CTNND2: variants seen among roughly 807,000 people sequenced by gnomAD.
The protein encoded by CTNND2 is catenin delta-2.
CTNND2 carries 22 observed loss-of-function variants against 144.4 expected under a neutral mutation model. The ratio of observed to expected loss-of-function variants is 0.15; its 90% CI spans 0.11 to 0.22. CTNND2 has a LOEUF of 0.22. Among genes scored for constraint, CTNND2 ranks in the 10% least tolerant of loss-of-function variants. The probability of loss-of-function intolerance (pLI) is 1.00; values close to 1 mark genes in which losing one functional copy is unlikely to be tolerated. For synonymous variants in CTNND2, 751 were observed against 695.6 expected (o/e 1.08, Z -1.25); for missense variants, 1,353 against 1,618.8 (o/e 0.84, Z 2.82).
At chr5:11,519,641 C>CTTAT (rs779480919) in intron 3 of CTNND2, among the ~76,000 whole-genome samples, 37 of 151,770 alleles carry the variant, frequency 2.4e-4, no homozygotes, top group Non-Finnish European at 4.6e-4. Context: ...ATTTTATTTC[C>CTTAT]TTATTTATTG....
chr5:11,582,635 C>A (rs561285081), intron 2 of CTNND2, among the ~76,000 whole-genome samples: 1 of 152,132 alleles, frequency 6.6e-6, no homozygotes, highest in Admixed American at 6.6e-5. Context: ...TCTAAAATAA[C>A]ACCAACACAT....
In CTNND2 at chr5:11,669,904, G is replaced by A. The variant is rs182543098; in HGVS notation, c.174+62232C>T. Among the ~76,000 whole-genome samples, 20 of 152,026 alleles carry A rather than the reference G, an allele frequency of 1.3e-4. 1 individual carries two copies. The South Asian group carries it at 1.9e-3, about 14-fold the overall frequency. ...GGGCATTTAGTGCTTTAAGTTTTCC[G>A]CTACAAACTGCTTTAAATGTGTCCC... On this transcript the variant is annotated intron_variant, in intron 2 of 21. Coordinates refer to ENST00000304623, the MANE Select transcript of CTNND2 (RefSeq NM_001332.4).
intron 3 of CTNND2, among the ~76,000 whole-genome samples, chr5:11,461,227 G>A (rs768752115): frequency 5.9e-5 from 9 of 151,730 alleles, no homozygotes; most frequent in Admixed American, 2.6e-4. Context: ...CTGAATAAAC[G>A]TGCGCTGAAG....
intron 1 of CTNND2, among the ~76,000 whole-genome samples, chr5:11,739,987 G>A (rs1787905167): frequency 6.6e-6 from 1 of 152,200 alleles, no homozygotes; most frequent in Non-Finnish European, 1.5e-5. Flanking sequence ...TACAAGGGAT[G>A]TGAAGGACCT....
rs531552721 is a variant in CTNND2, at chr5:11,560,076, G to A, written c.287+4868C>T. Among the ~76,000 whole-genome samples the A allele has an allele frequency of 5.9e-5, 9 of 152,258 alleles. No individual in the cohort carries two copies. In the South Asian group the frequency reaches 1.2e-3, roughly 21 times the overall value. On this transcript the variant is annotated intron_variant, in intron 3 of 21. Coordinates refer to ENST00000304623, the MANE Select transcript of CTNND2 (RefSeq NM_001332.4). ...GCTCTGCTGTGGCTTCCTAATTGAC[G>A]AAGTGGAGACAATGATGACACTTAA...
At chr5:11,117,662 C>T (rs1181583195) in intron 12 of CTNND2, 95 bp from the exon 13 acceptor site, 2 of 925,680 alleles carry the variant, frequency 2.2e-6, no homozygotes, top group Admixed American at 4.0e-5. Flanking sequence ...AAAGTAAATG[C>T]ATTTTTCCCC....
At chr5:11,304,066 G>T (rs1302864678) in intron 9 of CTNND2, among the ~76,000 whole-genome samples, 1 of 152,066 alleles carries the variant, frequency 6.6e-6, no homozygotes, top group African/African-American at 2.4e-5. Flanking sequence ...GGCCTCCCCA[G>T]CCACGTGGAA....
At chr5:11,454,591 T>G (rs1027197471) in intron 3 of CTNND2, among the ~76,000 whole-genome samples, 1 of 141,646 alleles carries the variant, frequency 7.1e-6, no homozygotes, top group East Asian at 1.9e-4. Flanking sequence ...TAACAGAAAG[T>G]TTTTTTTCCT....
chr5:11,706,480 A>G (rs1321339767), intron 2 of CTNND2, among the ~76,000 whole-genome samples: 2 of 152,208 alleles, frequency 1.3e-5, no homozygotes, highest in Non-Finnish European at 1.5e-5. Flanking sequence ...TTAGGTATAA[A>G]GTTTAACATG....
intron 6 of CTNND2, among the ~76,000 whole-genome samples, chr5:11,394,556 G>A (rs1180975957): frequency 3.3e-5 from 5 of 152,134 alleles, no homozygotes; most frequent in Admixed American, 1.3e-4. Context: ...TGATGGGAAG[G>A]GTAGTCTACT....
At chr5:11,479,320 G>A (rs142283656) in intron 3 of CTNND2, among the ~76,000 whole-genome samples, 1,848 of 152,252 alleles carry the variant, frequency 0.012, 20 homozygotes, top group Non-Finnish European at 0.019. Context: ...TCTGGCACAG[G>A]ATATGATCTT....
At chr5:11,216,665 G>A (rs181789102) in intron 10 of CTNND2, among the ~76,000 whole-genome samples, 9 of 152,320 alleles carry the variant, frequency 5.9e-5, no homozygotes, top group African/African-American at 1.2e-4. Flanking sequence ...AGTGTATGTC[G>A]TATGAAGTCA....
intron 18 of CTNND2, among the ~76,000 whole-genome samples, chr5:11,011,736 C>T (rs541175151): frequency 5.9e-5 from 9 of 152,166 alleles, no homozygotes; most frequent in African/African-American, 1.4e-4. Context: ...AAGCAGTCCA[C>T]GGAGAGGCAA....
chr5:11,106,526 G>A (rs61755671), intron 14 of CTNND2, among the ~76,000 whole-genome samples: 2,278 of 152,314 alleles, frequency 0.015, 51 homozygotes, highest in East Asian at 0.062. Flanking sequence ...TGGGCAGTGG[G>A]GGCTGTCACC....
intron 2 of CTNND2, among the ~76,000 whole-genome samples, chr5:11,629,320 A>C (rs1428515): frequency 0.37 from 56,925 of 151,932 alleles, 11,341 homozygotes; most frequent in Middle Eastern, 0.6. Context: ...TTAAATAAAG[A>C]CAAAAGATAC....
At chr5:11,742,045 C>T (rs553669922) in intron 1 of CTNND2, among the ~76,000 whole-genome samples, 6 of 142,382 alleles carry the variant, frequency 4.2e-5, no homozygotes, top group South Asian at 2.6e-4. Flanking sequence ...TTTGGGGACT[C>T]GGGGGGAAAG....
chr5:11,693,751 C>A (rs1785012111), intron 2 of CTNND2, among the ~76,000 whole-genome samples: 1 of 152,180 alleles, frequency 6.6e-6, no homozygotes, highest in African/African-American at 2.4e-5. Flanking sequence ...GCAGCCTAAA[C>A]ACAGTACGAT....
intron 3 of CTNND2, among the ~76,000 whole-genome samples, chr5:11,468,975 T>C (rs941281760): frequency 3.3e-5 from 5 of 152,194 alleles, no homozygotes; most frequent in Admixed American, 3.3e-4. Context: ...AGCTTGGGTT[T>C]CTGCAGGTCA....
At chr5:11,494,522 C>T (rs1475114947) in intron 3 of CTNND2, among the ~76,000 whole-genome samples, 2 of 152,018 alleles carry the variant, frequency 1.3e-5, no homozygotes, top group East Asian at 1.9e-4. Flanking sequence ...CAAAGAGGTG[C>T]TGCCACCTTT....
Sources: allele counts gnomAD v4.1 joint callset (sites outside exome capture counted in the v4.1 genomes callset), GRCh38; gene constraint gnomAD v4.1.1; transcripts MANE v1.5; gene names NCBI Gene and HGNC (gene_info 2026-07-23, HGNC 2026-07-21).